The following COP1 variants were observed in gnomAD, a reference collection of about 807,000 sequenced individuals.
The protein encoded by COP1 is E3 ubiquitin-protein ligase COP1.
COP1 carries 24 observed loss-of-function variants against 101.3 expected under a neutral mutation model. The observed-to-expected ratio is 0.24, with a 90% CI of 0.17 to 0.33. COP1 has a LOEUF of 0.33. Ranked by LOEUF, COP1 falls within the 10% of genes least tolerant of loss-of-function variation. COP1 has a pLI of 1.00. For synonymous variants in COP1, 347 were observed against 341.9 expected (o/e 1.01, Z -0.17); for missense variants, 663 against 906.2 (o/e 0.73, Z 3.45).
rs147901226 is a variant in COP1 at position 175,947,394 on chromosome 1, G to A, written c.2134-155C>T. 866 of 561,664 alleles carry A rather than the reference G, an allele frequency of 1.5e-3. 9 individuals carry two copies. The highest frequency in any genetic ancestry group is 0.015 in the African/African-American group (765 of 50,798). 34.8% of individuals were successfully genotyped at this position (561,664 alleles called of 1,614,324 possible). A position where few individuals can be genotyped will look rare whatever the true frequency, so the allele number is the denominator to read the frequency against. ...AATTTTTTTTTTTTTTTTTTGAGAC[G>A]GAGTCTTGCTCTGTTGCCCAGGCTG... is the stretch of plus-strand genomic sequence containing the variant. On this transcript the variant is annotated intron_variant, in intron 18 of 19. Transcript: ENST00000367669.
At chr1:175,983,422 C>G (rs1461938303) in intron 18 of COP1, among the ~76,000 whole-genome samples, 1 of 152,190 alleles carries the variant, frequency 6.6e-6, no homozygotes, top group Non-Finnish European at 1.5e-5. Context: ...TGAGACATGC[C>G]TTTCACCTTC....
chr1:176,029,812 C>T (rs553694047), intron 14 of COP1, among the ~76,000 whole-genome samples: 80 of 152,120 alleles, frequency 5.3e-4, no homozygotes, highest in African/African-American at 1.6e-3. Context: ...AACGGGATTA[C>T]GTAAGAATTT....
intron 2 of COP1, among the ~76,000 whole-genome samples, chr1:176,178,180 G>C (rs1697221791): frequency 6.6e-6 from 1 of 152,020 alleles, no homozygotes. Flanking sequence ...CATAACGTAG[G>C]CAAGCAAATA....
chr1:176,100,869 C>G (rs758315288), intron 9 of COP1, among the ~76,000 whole-genome samples: 92 of 152,226 alleles, frequency 6.0e-4, no homozygotes, highest in African/African-American at 2.1e-3. Flanking sequence ...ACCCCCACCC[C>G]CCAAGACACA....
chr1:176,206,517 T>C, intron 1 of COP1, 55 bp downstream of exon 1: 2 of 1,394,898 alleles, frequency 1.4e-6, no homozygotes, highest in Non-Finnish European at 9.9e-7. Flanking sequence ...CCCCCAAGCC[T>C]AAGCGGCAGA....
At chr1:176,119,291 T>C (rs1686712568) in intron 8 of COP1, among the ~76,000 whole-genome samples, 1 of 152,232 alleles carries the variant, frequency 6.6e-6, no homozygotes, top group Admixed American at 6.5e-5. Flanking sequence ...AATTGTGTAG[T>C]TGCATATTTA....
chr1:176,200,335 T>A (rs2102261602), intron 1 of COP1, among the ~76,000 whole-genome samples: 1 of 152,322 alleles, frequency 6.6e-6, no homozygotes. Flanking sequence ...GAGTTTCAAA[T>A]ATCTAAAAGA....
intron 3 of COP1, among the ~76,000 whole-genome samples, chr1:176,164,385 T>C (rs542357480): frequency 1.3e-4 from 20 of 152,220 alleles, no homozygotes; most frequent in Non-Finnish European, 2.5e-4. Flanking sequence ...TTTTTCCAAG[T>C]GTCAGACTGC....
Position 176,126,041 on chromosome 1 carries a change from C to T in COP1, c.968+8969G>A, listed in dbSNP as rs146537710. On this transcript the variant is annotated intron_variant, in intron 8 of 19. Transcript: ENST00000367669. Reference sequence around the variant, plus strand: ...CGTTCACTGCTGGCATATAAACATGCTACTGATTTTTTGTATGTTGACTTT... The same window carrying T: ...CGTTCACTGCTGGCATATAAACATGTTACTGATTTTTTGTATGTTGACTTT... Among the ~76,000 whole-genome samples the T allele has an allele frequency of 5.3e-3, 810 of 152,234 alleles. 1 individual carries two copies. The highest frequency in any genetic ancestry group is 9.4e-3 in the Non-Finnish European group (641 of 68,026).
intron 15 of COP1, among the ~76,000 whole-genome samples, chr1:176,010,313 T>C (rs1337310173): frequency 6.6e-6 from 1 of 152,154 alleles, no homozygotes; most frequent in East Asian, 1.9e-4. Flanking sequence ...CTCAAGAAAA[T>C]TAATATTGAT....
At chr1:176,206,259 T>G (rs568633659) in intron 1 of COP1, 1 of 356,660 alleles carries the variant, frequency 2.8e-6, no homozygotes, top group South Asian at 3.5e-5. Flanking sequence ...CTGCCAACTT[T>G]GTTATCCAAA....
chr1:175,988,480 T>G (rs1657635152), intron 16 of COP1, 68 bp from the exon 17 acceptor site: 3 of 1,409,522 alleles, frequency 2.1e-6, no homozygotes, highest in Non-Finnish European at 2.9e-6. Flanking sequence ...CACTACTAAT[T>G]AGAGGCAATG....
chr1:176,167,138 T>A (rs1485954964), intron 3 of COP1, among the ~76,000 whole-genome samples: 1 of 152,180 alleles, frequency 6.6e-6, no homozygotes, highest in Non-Finnish European at 1.5e-5. Context: ...AACATTCAAA[T>A]GTCTATATAT....
chr1:176,194,801 G>A (rs1338617190), intron 1 of COP1, among the ~76,000 whole-genome samples: 1 of 151,936 alleles, frequency 6.6e-6, no homozygotes, highest in Non-Finnish European at 1.5e-5. Context: ...GCTAGGCCAG[G>A]TCAGTGGCTC....
intron 15 of COP1, among the ~76,000 whole-genome samples, chr1:176,022,881 A>T (rs1002952835): frequency 6.6e-6 from 1 of 152,256 alleles, no homozygotes; most frequent in African/African-American, 2.4e-5. Context: ...CTAGACATGA[A>T]TTAGATTCCA....
chr1:176,206,503 C>T lies in COP1; in HGVS notation c.407+69G>A, dbSNP rs1227432849. Reference sequence around the variant, plus strand: ...AACAAGCCACCCCCACACCAGACCCCCCGCCCCCAAGCCTAAGCGGCAGAA... The same window carrying T: ...AACAAGCCACCCCCACACCAGACCCTCCGCCCCCAAGCCTAAGCGGCAGAA... On this transcript the variant is annotated intron_variant, in intron 1 of 19. Transcript: ENST00000367669. 1.5e-5 allele frequency: 23 copies of T among 1,570,560 alleles called. No homozygotes were observed. The Admixed American group carries it at 3.3e-4, about 22-fold the overall frequency.
intron 9 of COP1, among the ~76,000 whole-genome samples, chr1:176,098,885 T>C (rs1328657480): frequency 1.3e-5 from 2 of 152,196 alleles, no homozygotes; most frequent in Admixed American, 6.5e-5. Context: ...CCCTGGAGTA[T>C]CCAAATGAGG....
At chr1:176,057,368 T>C (rs1197193602) in intron 11 of COP1, among the ~76,000 whole-genome samples, 1 of 151,996 alleles carries the variant, frequency 6.6e-6, no homozygotes, top group East Asian at 1.9e-4. Context: ...CTTTCCACGA[T>C]CTCCCTCTGA....
chr1:176,170,139 T>C (rs565786451), intron 3 of COP1, among the ~76,000 whole-genome samples: 3 of 152,356 alleles, frequency 2.0e-5, no homozygotes, highest in East Asian at 3.9e-4. Context: ...CCTCCACATA[T>C]GCAGTTACTC....
Sources: gnomAD v4.1 joint callset for allele counts (sites outside exome capture counted in the v4.1 genomes callset) on GRCh38, gnomAD v4.1.1 for gene constraint, MANE v1.5 for transcripts, NCBI Gene and HGNC (gene_info 2026-07-23, HGNC 2026-07-21) for gene names.